The following PRKCA variants were observed in gnomAD, a reference collection of about 807,000 sequenced individuals.
The protein encoded by PRKCA is protein kinase C alpha.
In PRKCA, 27 loss-of-function variants were observed where a neutral mutation model predicts 87.0. The observed-to-expected ratio is 0.31, with a 90% CI of 0.23 to 0.43. The LOEUF (loss-of-function observed/expected upper bound fraction) is 0.43. Ranked by LOEUF, PRKCA falls within the 20% of genes least tolerant of loss-of-function variation. The pLI, the probability that PRKCA is intolerant of heterozygous loss-of-function variation, is 1.00. For synonymous variants in PRKCA, 329 were observed against 311.1 expected, an observed-to-expected ratio of 1.06 and a Z score of -0.61; for missense variants, 518 against 852.3, an observed-to-expected ratio of 0.61 and a Z score of 4.88.
chr17:66,321,261 G>A (rs1905639648), intron 2 of PRKCA, among the ~76,000 whole-genome samples: 1 of 151,966 alleles, frequency 6.6e-6, no homozygotes, highest in African/African-American at 2.4e-5. Flanking sequence ...TTTTCTCCTT[G>A]GTAAATTTCC....
chr17:66,321,027 T>C (rs1474809244), intron 2 of PRKCA, among the ~76,000 whole-genome samples: 2 of 152,204 alleles, frequency 1.3e-5, no homozygotes, highest in South Asian at 2.1e-4. Flanking sequence ...ATAGTTTCAG[T>C]GTTGTTGATT....
At chr17:66,615,101 C>T (rs533715217) in intron 3 of PRKCA, among the ~76,000 whole-genome samples, 28 of 152,236 alleles carry the variant, frequency 1.8e-4, no homozygotes, top group African/African-American at 5.3e-4. Context: ...CTCCAGCCCT[C>T]GCGTTTGTGA....
chr17:66,687,421 T>C (rs1267774711), intron 6 of PRKCA, among the ~76,000 whole-genome samples, 154 bp downstream of exon 6: 1 of 152,200 alleles, frequency 6.6e-6, no homozygotes, highest in East Asian at 1.9e-4. Flanking sequence ...AGGTAGCTAT[T>C]AGCACCTGTT....
chr17:66,327,131 G>A (rs1172401978), intron 2 of PRKCA, among the ~76,000 whole-genome samples: 1 of 152,018 alleles, frequency 6.6e-6, no homozygotes. Context: ...AGCACTTTGG[G>A]AGGCAGAGGC....
intron 2 of PRKCA, among the ~76,000 whole-genome samples, chr17:66,418,447 T>A (rs1291587572): frequency 6.6e-6 from 1 of 151,902 alleles, no homozygotes; most frequent in East Asian, 1.9e-4. Flanking sequence ...AGCCTTTTTT[T>A]TTTTTTTGAG....
At chr17:66,489,520 G>A (rs1916140062) in intron 2 of PRKCA, among the ~76,000 whole-genome samples, 1 of 151,522 alleles carries the variant, frequency 6.6e-6, no homozygotes, top group African/African-American at 2.4e-5. Flanking sequence ...GCAGCCTGAG[G>A]GGCCTCACTT....
intron 3 of PRKCA, among the ~76,000 whole-genome samples, chr17:66,554,834 A>G (rs1968446773): frequency 6.7e-6 from 1 of 150,222 alleles, no homozygotes; most frequent in Non-Finnish European, 1.5e-5. Context: ...ATGCCATCCC[A>G]TTGTACTTGT....
intron 5 of PRKCA, among the ~76,000 whole-genome samples, chr17:66,658,062 G>T (rs1332899036): frequency 6.6e-6 from 1 of 152,188 alleles, no homozygotes; most frequent in South Asian, 2.1e-4. Flanking sequence ...GTTCTGCAGG[G>T]CTGGGGAGGC....
chr17:66,319,761 A>C (rs989400481), intron 2 of PRKCA, among the ~76,000 whole-genome samples: 4 of 151,556 alleles, frequency 2.6e-5, no homozygotes, highest in African/African-American at 9.7e-5. Context: ...TTTTTATTTG[A>C]GACAGAGTCT....
chr17:66,684,909 C>T (rs1030003038), intron 5 of PRKCA, among the ~76,000 whole-genome samples: 3 of 152,172 alleles, frequency 2.0e-5, no homozygotes, highest in East Asian at 1.9e-4. Flanking sequence ...AGAGAGAGAC[C>T]GTTGGCCTCT....
At chr17:66,702,937 C>G (rs1973098542) in intron 8 of PRKCA, among the ~76,000 whole-genome samples, 1 of 152,006 alleles carries the variant, frequency 6.6e-6, no homozygotes. Flanking sequence ...AGAAAAGGTA[C>G]AGTAAAAATA....
intron 2 of PRKCA, among the ~76,000 whole-genome samples, chr17:66,350,587 G>A (rs576707156): frequency 4.6e-5 from 7 of 152,080 alleles, no homozygotes; most frequent in Admixed American, 2.6e-4. Context: ...CAGTGGCACC[G>A]TCGTGGCTCA....
chr17:66,771,888 C>A (rs1974942427), intron 13 of PRKCA, among the ~76,000 whole-genome samples: 1 of 152,234 alleles, frequency 6.6e-6, no homozygotes, highest in South Asian at 2.1e-4. Flanking sequence ...AGCCACCACG[C>A]CCGCCGCTTC....
At chr17:66,389,474 A>G (rs1280440759) in intron 2 of PRKCA, among the ~76,000 whole-genome samples, 1 of 152,160 alleles carries the variant, frequency 6.6e-6, no homozygotes, top group African/African-American at 2.4e-5. Flanking sequence ...CTTTGCAGGG[A>G]TATCGTAAGG....
At chr17:66,349,506 T>G (rs1436613284) in intron 2 of PRKCA, among the ~76,000 whole-genome samples, 1 of 152,170 alleles carries the variant, frequency 6.6e-6, no homozygotes, top group Non-Finnish European at 1.5e-5. Context: ...CATCACACCC[T>G]TGTTTCCTCT....
chr17:66,798,477 T>C (rs576350314), intron 16 of PRKCA, among the ~76,000 whole-genome samples: 2 of 69,432 alleles, frequency 2.9e-5, no homozygotes, highest in Admixed American at 1.4e-4. Flanking sequence ...GTGGTGGTGG[T>C]GGTGGTGGTG....
At chr17:66,774,639 C>T (rs964364088) in intron 14 of PRKCA, 2 of 987,278 alleles carry the variant, frequency 2.0e-6, no homozygotes, top group Non-Finnish European at 2.4e-6. Flanking sequence ...AAAATGTGCA[C>T]GTTGATGACA....
intron 1 of PRKCA, among the ~76,000 whole-genome samples, chr17:66,303,441 C>G (rs1191941674): frequency 6.6e-6 from 1 of 152,024 alleles, no homozygotes; most frequent in African/African-American, 2.4e-5. Flanking sequence ...AACGGGGGAG[C>G]GGCGGCGATT....
chr17:66,355,223 C>T (rs1427810324), intron 2 of PRKCA, among the ~76,000 whole-genome samples: 1 of 152,054 alleles, frequency 6.6e-6, no homozygotes, highest in East Asian at 1.9e-4. Flanking sequence ...TGAGATCATT[C>T]TCATTCAATC....
Sources: gnomAD v4.1 joint callset for allele counts (sites outside exome capture counted in the v4.1 genomes callset) on GRCh38, gnomAD v4.1.1 for gene constraint, MANE v1.5 for transcripts, NCBI Gene and HGNC (gene_info 2026-07-23, HGNC 2026-07-21) for gene names.